The following ATP11A variants were observed in gnomAD, a reference collection of about 807,000 sequenced individuals.
ATP11A encodes ATPase phospholipid transporting 11A.
ATP11A carries 81 observed loss-of-function variants against 154.4 expected under a neutral mutation model. The ratio of observed to expected loss-of-function variants is 0.52; its 90% CI spans 0.44 to 0.63. The LOEUF is 0.63. Ranked by LOEUF, ATP11A falls within the 30% of genes least tolerant of loss-of-function variation. The pLI, the probability that ATP11A is intolerant of heterozygous loss-of-function variation, is 0.00. For synonymous variants in ATP11A, 623 were observed against 585.9 expected, an observed-to-expected ratio of 1.06 and a Z score of -0.91; for missense variants, 1,316 against 1,474.3, an observed-to-expected ratio of 0.89 and a Z score of 1.76.
At chr13:112,815,090 G>A (rs2078606109) in intron 5 of ATP11A, among the ~76,000 whole-genome samples, 1 of 152,196 alleles carries the variant, frequency 6.6e-6, no homozygotes, top group Non-Finnish European at 1.5e-5. Context: ...GAGACTGGCT[G>A]GAGCCCTGCA....
At chr13:112,712,058 G>A (rs1887819763) in intron 1 of ATP11A, among the ~76,000 whole-genome samples, 1 of 152,200 alleles carries the variant, frequency 6.6e-6, no homozygotes. Context: ...AGGACCTTTT[G>A]TCGATGAGTT....
chr13:112,698,213 C>T (rs1886103599), intron 1 of ATP11A, among the ~76,000 whole-genome samples: 1 of 152,054 alleles, frequency 6.6e-6, no homozygotes, highest in African/African-American at 2.4e-5. Context: ...TCCCGAGGAC[C>T]GCTTCTGCTG....
At chr13:112,830,953 G>A (rs185755340) in intron 12 of ATP11A, among the ~76,000 whole-genome samples, 14 of 152,108 alleles carry the variant, frequency 9.2e-5, no homozygotes, top group Admixed American at 2.0e-4. Flanking sequence ...GAGTAAGTTC[G>A]TCCTCTCTGT....
At position 112,874,833 on chromosome 13, in the gene ATP11A, G is replaced by A. The variant is rs912710198; in HGVS notation, c.3162-943G>A. ...TCTGGAGAGCCCGGCCATTCTAACA[G>A]CCCTGAAGGCGATGGCTCTGTAAGA... On this transcript the variant is annotated intron_variant, in intron 27 of 29. Coordinates refer to ENST00000375645, the MANE Select transcript of ATP11A (RefSeq NM_015205.3). 2.6e-5 allele frequency among the ~76,000 whole-genome samples: 4 copies of A among 152,294 alleles called. No homozygotes were observed. In the East Asian group the frequency reaches 5.8e-4, roughly 22 times the overall value.
intron 1 of ATP11A, among the ~76,000 whole-genome samples, chr13:112,765,353 T>C (rs968831662): frequency 3.3e-5 from 5 of 152,100 alleles, no homozygotes; most frequent in Non-Finnish European, 7.4e-5. Context: ...CGCCCTGCCT[T>C]GTTTTCTGGT....
intron 17 of ATP11A, among the ~76,000 whole-genome samples, chr13:112,850,384 A>T (rs969107589): frequency 1.2e-4 from 18 of 152,154 alleles, no homozygotes; most frequent in African/African-American, 4.1e-4. Context: ...TTCATCTGTA[A>T]ACCGCCCCCT....
chr13:112,825,702 A>C, intron 11 of ATP11A, 122 bp downstream of exon 11: 1 of 1,173,870 alleles, frequency 8.5e-7, no homozygotes, highest in South Asian at 1.6e-5. Flanking sequence ...TGATTGATTC[A>C]GTCTCTGTGA....
Position 112,875,864 on chromosome 13 carries a change from A to AC in ATP11A, c.3252dup (p.Ile1085HisfsTer27). On this transcript the variant is annotated frameshift_variant, in exon 28 of 30. Coordinates refer to ENST00000375645, the MANE Select transcript of ATP11A (RefSeq NM_015205.3). The surrounding 1 kb of genome is among the most constrained non-coding windows in gnomAD (Gnocchi z 4.1). ...CTGGCTGGCCATCGTGCTGCTGGTG[A>AC]CCATCAGCCTCCTTCCCGACGTCCT... 1 of 1,613,868 alleles carries AC rather than the reference A, an allele frequency of 6.2e-7. No homozygotes were observed. Among genetic ancestry groups the AC allele is most frequent in the South Asian group, 1.1e-5 (1 of 91,088 alleles).
At position 112,715,541 on chromosome 13, in the gene ATP11A, G is replaced by GC. The variant is rs1269958567; in HGVS notation, c.39+25095dup. Among the ~76,000 whole-genome samples the GC allele has an allele frequency of 7.7e-4, 28 of 36,356 alleles. 2 individuals carry two copies. Among genetic ancestry groups the GC allele is most frequent in the South Asian group, 3.0e-3 (1 of 328 alleles). The allele number at this position is 36,356 out of a possible 152,430, so 23.9% of individuals were successfully genotyped here. A position where few individuals can be genotyped will look rare whatever the true frequency, so the allele number is the denominator to read the frequency against. ...GATCCCCACCCTTCACTTGGCTGAG[G>GC]CCCCCCCCCACCTGCCTGATCCTCC... is the stretch of plus-strand genomic sequence containing the variant. On this transcript the variant is annotated intron_variant, in intron 1 of 29. Coordinates refer to ENST00000375645, the MANE Select transcript of ATP11A (RefSeq NM_015205.3).
At chr13:112,707,029 A>G (rs768677205) in intron 1 of ATP11A, among the ~76,000 whole-genome samples, 8 of 152,238 alleles carry the variant, frequency 5.3e-5, no homozygotes, top group Non-Finnish European at 8.8e-5. Flanking sequence ...ATGGGTTGTA[A>G]AGCAGTGGAG....
At position 112,784,683 on chromosome 13, in the gene ATP11A, C is replaced by T. The variant is rs563888205; in HGVS notation, c.40-452C>T. Among the ~76,000 whole-genome samples, 218 of 152,228 alleles carry T rather than the reference C, an allele frequency of 1.4e-3. 1 individual carries two copies. The highest frequency in any genetic ancestry group is 5.0e-3 in the African/African-American group (207 of 41,556). On this transcript the variant is annotated intron_variant, in intron 1 of 29. Coordinates refer to ENST00000375645, the MANE Select transcript of ATP11A (RefSeq NM_015205.3). ...GACTACAGGCGCCCACCACCACACC[C>T]GGCTAATTTTTTGTATTTTTTAGTA...
intron 4 of ATP11A, among the ~76,000 whole-genome samples, chr13:112,808,843 G>A (rs1481096478): frequency 3.3e-5 from 5 of 152,086 alleles, no homozygotes; most frequent in East Asian, 1.9e-4. Context: ...GGGCCCCTCC[G>A]ATCAGCCCAT....
intron 1 of ATP11A, among the ~76,000 whole-genome samples, chr13:112,728,322 G>A (rs1365935897): frequency 6.6e-6 from 1 of 151,182 alleles, no homozygotes; most frequent in African/African-American, 2.4e-5. Context: ...CCATGAGACT[G>A]CGGCCCGCCT....
chr13:112,840,159 C>T (rs1442762323), intron 16 of ATP11A, among the ~76,000 whole-genome samples: 18 of 102,722 alleles, frequency 1.8e-4, no homozygotes, highest in South Asian at 6.1e-4. Flanking sequence ...AGCCTCCCCA[C>T]TCTCCCATCC....
chr13:112,832,835 G>A, intron 13 of ATP11A, 25 bp from the exon 14 acceptor site: 1 of 1,606,456 alleles, frequency 6.2e-7, no homozygotes, highest in Non-Finnish European at 8.5e-7. Flanking sequence ...GTGATTTGGG[G>A]GTTCTGGGAA....
intron 1 of ATP11A, among the ~76,000 whole-genome samples, chr13:112,713,968 C>CCTG: frequency 3.4e-5 from 3 of 89,282 alleles, no homozygotes; most frequent in Middle Eastern, 6.9e-3. Context: ...CCTCCCTTCC[C>CCTG]ACCCAGCTTC....
chr13:112,862,646 T>C (rs2080147058), intron 25 of ATP11A, 71 bp downstream of exon 25: 3 of 1,600,922 alleles, frequency 1.9e-6, no homozygotes. Context: ...TATGATGATT[T>C]TGCCAAAGCA....
chr13:112,693,141 A>C (rs181656918), intron 1 of ATP11A, among the ~76,000 whole-genome samples: 74 of 152,382 alleles, frequency 4.9e-4, no homozygotes, highest in Admixed American at 1.8e-3. Context: ...GTGAGAGAAC[A>C]GATGAAGGTT....
At chr13:112,864,412 C>T (rs2080244390) in intron 25 of ATP11A, among the ~76,000 whole-genome samples, 1 of 105,054 alleles carries the variant, frequency 9.5e-6, no homozygotes, top group African/African-American at 3.3e-5. Flanking sequence ...GTGCAGCTTC[C>T]CAGCGGGATC....
Sources: allele counts gnomAD v4.1 joint callset (sites outside exome capture counted in the v4.1 genomes callset), GRCh38; gene constraint gnomAD v4.1.1; non-coding constraint Gnocchi (gnomAD v3.1); transcripts MANE v1.5; gene names NCBI Gene and HGNC (gene_info 2026-07-23, HGNC 2026-07-21).